DSC3: variants seen among roughly 807,000 people sequenced by gnomAD.
The protein encoded by DSC3 is desmocollin-3.
A neutral mutation model predicts 89.5 loss-of-function variants in DSC3; 97 were observed. That is an observed-to-expected ratio of 1.08 (90% CI 0.92 to 1.28). The LOEUF (loss-of-function observed/expected upper bound fraction) is 1.28. DSC3 is among the 50% of genes most tolerant of loss of function. The pLI is 0.00. For synonymous variants in DSC3, 436 were observed against 384.1 expected (o/e 1.14, Z -1.58); for missense variants, 1,199 against 1,085.3 (o/e 1.10, Z -1.47).
chr18:31,038,920 A>G (rs938181298), intron 1 of DSC3, among the ~76,000 whole-genome samples: 4 of 152,092 alleles, frequency 2.6e-5, no homozygotes, highest in Non-Finnish European at 5.9e-5. Flanking sequence ...AATAGACTTC[A>G]GTTATAGTAT....
intron 1 of DSC3, among the ~76,000 whole-genome samples, chr18:31,036,691 T>TA (rs1413867953): frequency 1.3e-5 from 2 of 152,186 alleles, no homozygotes; most frequent in Middle Eastern, 3.4e-3. Flanking sequence ...CTTTAAATAT[T>TA]AATTTAAAGA....
chr18:31,025,229 A>T (rs1318759259), intron 5 of DSC3, among the ~76,000 whole-genome samples: 1 of 152,138 alleles, frequency 6.6e-6, no homozygotes, highest in East Asian at 1.9e-4. Context: ...TATCTGAGTT[A>T]TTTGCTATTG....
rs1405509929 is a variant in DSC3, at chr18:31,022,438, C to G, written c.840G>C (p.Leu280=). 3.7e-6 allele frequency: 6 copies of G among 1,614,054 alleles called. No homozygotes were observed. Among genetic ancestry groups the G allele is most frequent in the Non-Finnish European group, 5.1e-6 (6 of 1,179,968 alleles). Residue 280 remains leucine, a synonymous_variant, in exon 7 of 16, where the codon CTG becomes CTC. Transcript: ENST00000360428. Reference sequence around the variant, plus strand: ...GTGTCTGCTGCAAAATGCTGTATTTCAGGCGCGTATGCATTGTGTCCGGTT... The same window carrying G: ...GTGTCTGCTGCAAAATGCTGTATTTGAGGCGCGTATGCATTGTGTCCGGTT... ...RDEPDTMHTR[L]KYSILQQTPR...
rs992109585 is a variant in DSC3 at position 31,042,569 on chromosome 18, C to T, written c.69+23G>A. 4.5e-6 allele frequency: 7 copies of T among 1,549,612 alleles called. No individual in the cohort carries two copies. The Admixed American group carries it at 7.8e-5, about 17-fold the overall frequency. On this transcript the variant is annotated intron_variant, in intron 1 of 15. Transcript: ENST00000360428. ...ATCCACCCCCGTCCCCACCCCAGCC[C>T]TATCCGGCGAGATCTGGCTTACCAC...
At chr18:31,006,426 A>G (rs951579492) in intron 12 of DSC3, among the ~76,000 whole-genome samples, 4 of 152,008 alleles carry the variant, frequency 2.6e-5, no homozygotes, top group African/African-American at 9.7e-5. Flanking sequence ...CAGCCTCCCC[A>G]GTAGCTTGGA....
chr18:31,030,189 C>A (rs370941520), intron 3 of DSC3, among the ~76,000 whole-genome samples: 1 of 152,152 alleles, frequency 6.6e-6, no homozygotes, highest in African/African-American at 2.4e-5. Flanking sequence ...TGCAGAGTAG[C>A]CATTAATATT....
chr18:31,008,421 G>A lies in DSC3; in HGVS notation c.1368C>T (p.Ala456=). Residue 456 remains alanine, a synonymous_variant, in exon 10 of 16, where the codon GCC becomes GCT. Coordinates refer to ENST00000360428, the MANE Select transcript of DSC3 (RefSeq NM_001941.5). ...GATCCCTCACATGAACTGTAACCAA[G>A]GCTCTGTTCAAGGCTGTCACTCTGG... ...DIPRVTALNR[A]LVTVHVRDLD... The A allele has an allele frequency of 4.3e-6, 7 of 1,614,110 alleles. No homozygotes were observed. Among genetic ancestry groups the A allele is most frequent in the Non-Finnish European group, 5.9e-6 (7 of 1,180,016 alleles).
Position 31,022,338 on chromosome 18 carries a change from C to T in DSC3, c.940G>A (p.Glu314Lys). The T allele has an allele frequency of 6.2e-7, 1 of 1,613,912 alleles. No individual in the cohort carries two copies. Among genetic ancestry groups the T allele is most frequent in the Non-Finnish European group, 8.5e-7 (1 of 1,179,890 alleles). Residue 314 changes from glutamate to lysine, a missense_variant and splice_region_variant, in exon 7 of 16, where the codon GAG becomes AAG. Glu to Lys is a moderately conservative substitution (Grantham distance 56, BLOSUM62 1). Coordinates refer to ENST00000360428, the MANE Select transcript of DSC3 (RefSeq NM_001941.5). ...ATTCTATGGAGTGTGTGAGCTACCT[C>T]TCTGTCCAAATAATGAGAGACTGTG... is the stretch of plus-strand genomic sequence containing the variant. ...ITTVSHYLDR[E>K]VVDKYSLIMK...
At chr18:31,030,875 G>A (rs1985761854) in intron 3 of DSC3, 98 bp downstream of exon 3, 1 of 1,110,854 alleles carries the variant, frequency 9.0e-7, no homozygotes, top group South Asian at 1.3e-5. Context: ...GAAAACAAAA[G>A]GGGAAAATAC....
intron 1 of DSC3, 69 bp from the exon 2 acceptor site, chr18:31,032,345 G>T: frequency 1.6e-6 from 2 of 1,243,166 alleles, no homozygotes; most frequent in South Asian, 1.3e-5. Flanking sequence ...CATATCAATA[G>T]ATGTAAAACA....
Position 30,998,100 on chromosome 18 carries a change from T to A in DSC3, c.2236-1052A>T, listed in dbSNP as rs573679053. On this transcript the variant is annotated intron_variant, in intron 14 of 15. Transcript: ENST00000360428. The stretch of plus-strand genomic sequence containing the variant: ...CAGAGAGAAACACATTTCAAAAATA[T>A]CATTCTAGGCAATAATGTGGAAGAC... Among the ~76,000 whole-genome samples, 160 of 152,296 alleles carry A rather than the reference T, an allele frequency of 1.1e-3. 2 individuals carry two copies. The highest frequency in any genetic ancestry group is 3.8e-3 in the African/African-American group (159 of 41,566).
rs8089729 is a variant in DSC3, at chr18:30,994,751, A to G, written c.2494-379T>C. Among the ~76,000 whole-genome samples, 94 of 152,312 alleles carry G rather than the reference A, an allele frequency of 6.2e-4. 1 individual carries two copies. Among genetic ancestry groups the G allele is most frequent in the African/African-American group, 2.2e-3 (93 of 41,564 alleles). ...GTCAAACAGCCTTGGTTGTGAGTCA[A>G]AGCTCTGGCTTTACCAACTAGCTAT... On this transcript the variant is annotated intron_variant, in intron 15 of 15. Coordinates refer to ENST00000360428, the MANE Select transcript of DSC3 (RefSeq NM_001941.5).
intron 9 of DSC3, among the ~76,000 whole-genome samples, chr18:31,013,265 C>A (rs554802848): frequency 2.0e-5 from 3 of 149,136 alleles, no homozygotes; most frequent in Non-Finnish European, 4.5e-5. Flanking sequence ...GGAACAGATA[C>A]AAAAACTAAA....
At chr18:31,008,248 T>A in intron 10 of DSC3, 21 bp downstream of exon 10, 1 of 1,613,264 alleles carries the variant, frequency 6.2e-7, no homozygotes, top group Admixed American at 1.7e-5. Context: ...TATTAGTATG[T>A]GGTTATAGAT....
At position 30,992,183 on chromosome 18, in the gene DSC3, G is replaced by A. The variant is rs1205248699; in HGVS notation, c.*1992C>T. ...TCCGTCTCAAAAAAAAAAGGGGGGG[G>A]GGGGGGCAATAAAAAGTCTAAGTCT... On this transcript the variant is annotated 3_prime_UTR_variant, in exon 16 of 16. Coordinates refer to ENST00000360428, the MANE Select transcript of DSC3 (RefSeq NM_001941.5). 5 of 138,796 alleles carry A rather than the reference G, an allele frequency of 3.6e-5. No homozygotes were observed. Among genetic ancestry groups the A allele is most frequent in the African/African-American group, 1.0e-4 (4 of 39,142 alleles). 8.6% of individuals were successfully genotyped at this position (138,796 alleles called of 1,614,324 possible). A position where few individuals can be genotyped will look rare whatever the true frequency, so the allele number is the denominator to read the frequency against.
At chr18:31,011,265 T>C (rs1473693064) in intron 9 of DSC3, among the ~76,000 whole-genome samples, 1 of 152,228 alleles carries the variant, frequency 6.6e-6, no homozygotes, top group Non-Finnish European at 1.5e-5. Flanking sequence ...TTACACTAAA[T>C]TCTGAGTAAT....
At chr18:31,017,320 C>G (rs1286529556) in intron 9 of DSC3, among the ~76,000 whole-genome samples, 1 of 152,062 alleles carries the variant, frequency 6.6e-6, no homozygotes, top group African/African-American at 2.4e-5. Context: ...GGCAGATAAG[C>G]CTCTTTCAAT....
At position 31,029,594 on chromosome 18, in the gene DSC3, A is replaced by G. The variant is rs570067923; in HGVS notation, c.389T>C (p.Leu130Pro). ...SKTRHTRETV[L>P]RRAKRRWAPI... ...TGCCCATCTCCTCTTGGCACGCCTG[A>G]GAACAGTTTCTCTAGTGTGTCTTGT... is the stretch of plus-strand genomic sequence containing the variant. The change falls in exon 4 of 16, where the codon CTC becomes CCC. Residue 130 changes from leucine (L) to proline (P), a missense_variant. Coordinates refer to ENST00000360428, the MANE Select transcript of DSC3 (RefSeq NM_001941.5). The G allele has an allele frequency of 6.2e-7, 1 of 1,613,896 alleles. No homozygotes were observed. Among genetic ancestry groups the G allele is most frequent in the African/African-American group, 1.3e-5 (1 of 75,068 alleles).
chr18:30,999,588 G>A (rs1598598595), intron 14 of DSC3, among the ~76,000 whole-genome samples: 1 of 152,112 alleles, frequency 6.6e-6, no homozygotes, highest in Non-Finnish European at 1.5e-5. Flanking sequence ...AGCCTACAGG[G>A]CTAGCTTTCA....
Sources: gnomAD v4.1 joint callset for allele counts (sites outside exome capture counted in the v4.1 genomes callset) on GRCh38, gnomAD v4.1.1 for gene constraint, MANE v1.5 for transcripts, NCBI Gene and HGNC (gene_info 2026-07-23, HGNC 2026-07-21) for gene names.